PLXDC2: variants seen among roughly 807,000 people sequenced by gnomAD.
PLXDC2 encodes the protein plexin domain-containing protein 2.
PLXDC2 carries 40 observed loss-of-function variants against 68.9 expected under a neutral mutation model. The observed-to-expected ratio is 0.58, with a 90% CI of 0.45 to 0.76. The LOEUF is 0.76. Ranked by LOEUF, PLXDC2 falls within the 30% of genes least tolerant of loss-of-function variation. PLXDC2 has a pLI of 0.00. For synonymous variants in PLXDC2, 243 were observed against 234.2 expected (o/e 1.04, Z -0.34); for missense variants, 644 against 661.9 (o/e 0.97, Z 0.30).
intron 1 of PLXDC2, among the ~76,000 whole-genome samples, chr10:19,941,682 T>A (rs1179949674): frequency 6.6e-6 from 1 of 152,164 alleles, no homozygotes; most frequent in Admixed American, 6.5e-5. Flanking sequence ...GGGAGAAGAA[T>A]GCCTTTTGTG....
chr10:20,017,281 T>G (rs1326396960), intron 2 of PLXDC2, among the ~76,000 whole-genome samples: 2 of 152,074 alleles, frequency 1.3e-5, no homozygotes, highest in Non-Finnish European at 2.9e-5. Flanking sequence ...GGCAGCTAAG[T>G]AGAATAAAGG....
intron 9 of PLXDC2, among the ~76,000 whole-genome samples, chr10:20,207,334 G>T (rs1389748799): frequency 6.6e-6 from 1 of 151,882 alleles, no homozygotes; most frequent in Non-Finnish European, 1.5e-5. Context: ...CTTTTCCCTG[G>T]GATTAATTTA....
chr10:19,836,195 G>C (rs1836789286), intron 1 of PLXDC2, among the ~76,000 whole-genome samples: 2 of 151,840 alleles, frequency 1.3e-5, no homozygotes, highest in South Asian at 4.2e-4. Context: ...ACAAAAAAAA[G>C]AGTATGGTTG....
At chr10:20,101,948 AC>A (rs1260261937) in intron 4 of PLXDC2, among the ~76,000 whole-genome samples, 1 of 151,162 alleles carries the variant, frequency 6.6e-6, no homozygotes, top group African/African-American at 2.4e-5. Flanking sequence ...CAGCCCCCCG[AC>A]CCCCACCATG....
At chr10:20,131,899 T>G (rs1337676051) in intron 4 of PLXDC2, among the ~76,000 whole-genome samples, 2 of 152,156 alleles carry the variant, frequency 1.3e-5, no homozygotes, top group Non-Finnish European at 2.9e-5. Context: ...TAAGCTTAGT[T>G]TGTTCTTGTT....
intron 1 of PLXDC2, among the ~76,000 whole-genome samples, chr10:19,855,284 G>C (rs1263259586): frequency 6.6e-6 from 1 of 152,098 alleles, no homozygotes; most frequent in Non-Finnish European, 1.5e-5. Flanking sequence ...CCCATCAAAG[G>C]CTGGTGTCAT....
intron 9 of PLXDC2, among the ~76,000 whole-genome samples, chr10:20,203,885 A>G (rs1834955240): frequency 6.6e-6 from 1 of 152,182 alleles, no homozygotes; most frequent in Non-Finnish European, 1.5e-5. Context: ...AACTATTCTT[A>G]TGAACATTGG....
At chr10:20,060,852 T>A (rs1836090408) in intron 3 of PLXDC2, among the ~76,000 whole-genome samples, 1 of 152,164 alleles carries the variant, frequency 6.6e-6, no homozygotes. Flanking sequence ...AGGTAGGAAA[T>A]GAATCACGTA....
intron 4 of PLXDC2, among the ~76,000 whole-genome samples, chr10:20,099,170 A>G (rs377125674): frequency 1.3e-5 from 2 of 152,336 alleles, no homozygotes; most frequent in Non-Finnish European, 2.9e-5. Context: ...GGCCAAAAGC[A>G]TTACTAACAA....
chr10:19,886,060 G>C (rs1837840753), intron 1 of PLXDC2, among the ~76,000 whole-genome samples: 1 of 152,052 alleles, frequency 6.6e-6, no homozygotes, highest in African/African-American at 2.4e-5. Flanking sequence ...TCCTTGAAGA[G>C]GTCCTTCACA....
At chr10:19,859,800 C>T (rs986592949) in intron 1 of PLXDC2, among the ~76,000 whole-genome samples, 1 of 152,162 alleles carries the variant, frequency 6.6e-6, no homozygotes, top group Non-Finnish European at 1.5e-5. Context: ...GGTGCGATCT[C>T]AGCTTACTGC....
intron 9 of PLXDC2, among the ~76,000 whole-genome samples, chr10:20,193,809 A>G (rs1834801198): frequency 6.6e-6 from 1 of 152,084 alleles, no homozygotes. Context: ...GCTGTCTTTA[A>G]TAAGACATAG....
chr10:20,165,679 A>G (rs750961021), intron 7 of PLXDC2, among the ~76,000 whole-genome samples: 3 of 152,210 alleles, frequency 2.0e-5, no homozygotes, highest in Non-Finnish European at 4.4e-5. Context: ...TAGGTAAATA[A>G]AAATCCGGGG....
chr10:20,004,319 A>T (rs1472666308), intron 2 of PLXDC2, among the ~76,000 whole-genome samples: 1 of 152,200 alleles, frequency 6.6e-6, no homozygotes, highest in Non-Finnish European at 1.5e-5. Context: ...GCAACGGTTG[A>T]TGTGTCAGGA....
chr10:20,149,229 C>CTTTTTTT lies in PLXDC2; in HGVS notation c.783+1347_783+1353dup, dbSNP rs71200986. ...ATTTTTCTTTCTTTTTTTTTCTTTT[C>CTTTTTTT]TTTTTTTTTTTTTTTTTTTTTTTTT... is the stretch of plus-strand genomic sequence containing the variant. On this transcript the variant is annotated intron_variant, in intron 6 of 13. Coordinates refer to ENST00000377252, the MANE Select transcript of PLXDC2 (RefSeq NM_032812.9). Among the ~76,000 whole-genome samples the CTTTTTTT allele has an allele frequency of 8.9e-4, 31 of 34,934 alleles. 1 individual carries two copies. Among genetic ancestry groups the CTTTTTTT allele is most frequent in the African/African-American group, 2.6e-3 (22 of 8,430 alleles). The allele number at this position is 34,934 out of a possible 152,430, so 22.9% of individuals were successfully genotyped here.
intron 6 of PLXDC2, 62 bp downstream of exon 6, chr10:20,147,964 A>C: frequency 8.7e-7 from 1 of 1,155,442 alleles, no homozygotes; most frequent in African/African-American, 1.5e-5. Flanking sequence ...CCTTTCCTCC[A>C]AATGTCAAGA....
intron 1 of PLXDC2, among the ~76,000 whole-genome samples, chr10:19,843,089 C>T (rs1032910004): frequency 1.3e-5 from 2 of 151,880 alleles, no homozygotes; most frequent in Admixed American, 6.6e-5. Flanking sequence ...TTACCGGACC[C>T]CTAATGTCTT....
chr10:20,013,554 G>T (rs1164975709), intron 2 of PLXDC2, among the ~76,000 whole-genome samples: 1 of 152,052 alleles, frequency 6.6e-6, no homozygotes, highest in African/African-American at 2.4e-5. Context: ...TAAGATTATA[G>T]TGCTTTGCAC....
intron 1 of PLXDC2, among the ~76,000 whole-genome samples, chr10:19,985,151 G>T (rs890945888): frequency 6.6e-6 from 1 of 152,214 alleles, no homozygotes; most frequent in Non-Finnish European, 1.5e-5. Flanking sequence ...ATTGCAAACT[G>T]AGATGCTTTG....
Sources: allele counts gnomAD v4.1 joint callset (sites outside exome capture counted in the v4.1 genomes callset), GRCh38; gene constraint gnomAD v4.1.1; transcripts MANE v1.5; gene names NCBI Gene and HGNC (gene_info 2026-07-23, HGNC 2026-07-21).